The following CCDC192 variants were observed in gnomAD, a reference collection of about 807,000 sequenced individuals.
CCDC192 encodes coiled-coil domain containing 192.
At chr5:127,757,251 G>A (rs1311697968) in intron 3 of CCDC192, among the ~76,000 whole-genome samples, 1 of 152,194 alleles carries the variant, frequency 6.6e-6, no homozygotes. Flanking sequence ...CATGTTAATT[G>A]TACTAAAGGA....
At chr5:127,855,075 A>G (rs1164093256) in intron 5 of CCDC192, among the ~76,000 whole-genome samples, 1 of 152,182 alleles carries the variant, frequency 6.6e-6, no homozygotes, top group East Asian at 1.9e-4. Flanking sequence ...GCCTTGCCTC[A>G]GTGTTGATGG....
chr5:127,712,320 G>T (rs995151254), intron 2 of CCDC192, among the ~76,000 whole-genome samples: 1 of 152,138 alleles, frequency 6.6e-6, no homozygotes, highest in South Asian at 2.1e-4. Context: ...GAGTTCTAAT[G>T]GGAGGTGTTT....
At chr5:127,911,821 T>C (rs569394155) in intron 6 of CCDC192, among the ~76,000 whole-genome samples, 3 of 151,870 alleles carry the variant, frequency 2.0e-5, no homozygotes, top group African/African-American at 7.2e-5. Context: ...ATCCTCTCAC[T>C]TCTGTCTCCT....
intron 3 of CCDC192, among the ~76,000 whole-genome samples, chr5:127,791,560 A>G (rs537107203): frequency 6.4e-4 from 98 of 152,322 alleles, no homozygotes; most frequent in African/African-American, 2.3e-3. Flanking sequence ...TGATGAGGAA[A>G]GATACTGGAA....
At chr5:127,767,202 G>C (rs918772591) in intron 3 of CCDC192, among the ~76,000 whole-genome samples, 2 of 152,124 alleles carry the variant, frequency 1.3e-5, no homozygotes, top group Non-Finnish European at 2.9e-5. Flanking sequence ...TCCTAGGAAT[G>C]TGTCCCAGGC....
In CCDC192 at chr5:127,896,809, T is replaced by TA. The variant is rs536877450; in HGVS notation, c.535+21150dup. ...ATTAAAGAAAAACCCAAAGAACATATAATGACTGGTATAGCACAAAGGACC... is the reference window on the plus strand; with the variant it reads ...ATTAAAGAAAAACCCAAAGAACATATAAATGACTGGTATAGCACAAAGGACC... On this transcript the variant is annotated intron_variant, in intron 6 of 6. Coordinates refer to ENST00000514853, the MANE Select transcript of CCDC192 (RefSeq NM_001317938.2). Among the ~76,000 whole-genome samples, 174 of 152,266 alleles carry TA rather than the reference T, an allele frequency of 1.1e-3. 1 individual carries two copies. Among genetic ancestry groups the TA allele is most frequent in the Middle Eastern group, 6.8e-3 (2 of 294 alleles).
intron 2 of CCDC192, among the ~76,000 whole-genome samples, chr5:127,734,233 A>G (rs902454380): frequency 6.6e-6 from 1 of 151,684 alleles, no homozygotes; most frequent in African/African-American, 2.4e-5. Flanking sequence ...AATTTCATCC[A>G]TGTCCCTACA....
chr5:127,803,843 T>G (rs1320230577), intron 5 of CCDC192, among the ~76,000 whole-genome samples: 1 of 152,234 alleles, frequency 6.6e-6, no homozygotes, highest in African/African-American at 2.4e-5. Flanking sequence ...TTATTCTCTA[T>G]ACTGTCCTGT....
At chr5:127,760,338 A>T (rs1343959198) in intron 3 of CCDC192, among the ~76,000 whole-genome samples, 1 of 151,988 alleles carries the variant, frequency 6.6e-6, no homozygotes, top group Non-Finnish European at 1.5e-5. Context: ...TGGGAAACAA[A>T]AATAAGGCAG....
chr5:127,902,564 A>C (rs185202766), intron 6 of CCDC192, among the ~76,000 whole-genome samples: 1 of 152,286 alleles, frequency 6.6e-6, no homozygotes, highest in East Asian at 1.9e-4. Flanking sequence ...CATTCATGAG[A>C]CATATATCAT....
intron 5 of CCDC192, among the ~76,000 whole-genome samples, chr5:127,831,165 C>T (rs1370661459): frequency 1.3e-5 from 2 of 152,122 alleles, no homozygotes; most frequent in African/African-American, 2.4e-5. Context: ...AAATTTTTCT[C>T]CTTAAAAACT....
At chr5:127,790,630 CT>C (rs1402306458) in intron 3 of CCDC192, among the ~76,000 whole-genome samples, 3 of 152,302 alleles carry the variant, frequency 2.0e-5, no homozygotes, top group South Asian at 4.1e-4. Context: ...TTCCCAGCCT[CT>C]GGTAACTACC....
chr5:127,705,025 C>A (rs1355135748), intron 1 of CCDC192, among the ~76,000 whole-genome samples: 1 of 151,646 alleles, frequency 6.6e-6, no homozygotes, highest in Non-Finnish European at 1.5e-5. Context: ...AGAAAAATGC[C>A]GTATCATTAC....
At chr5:127,891,813 T>G (rs1752740876) in intron 6 of CCDC192, among the ~76,000 whole-genome samples, 1 of 152,246 alleles carries the variant, frequency 6.6e-6, no homozygotes, top group Admixed American at 6.5e-5. Context: ...ACATTCTGGT[T>G]CTTTCTACTC....
intron 3 of CCDC192, among the ~76,000 whole-genome samples, chr5:127,782,290 G>A (rs917152766): frequency 1.3e-5 from 2 of 152,036 alleles, no homozygotes; most frequent in Admixed American, 1.3e-4. Context: ...TTTTGGATAT[G>A]TCCTTTCCTG....
chr5:127,707,506 A>G (rs1384394059), intron 1 of CCDC192, among the ~76,000 whole-genome samples: 1 of 151,780 alleles, frequency 6.6e-6, no homozygotes, highest in Non-Finnish European at 1.5e-5. Context: ...AGGCTATTTT[A>G]TCTTCTGCGA....
intron 5 of CCDC192, among the ~76,000 whole-genome samples, chr5:127,839,001 T>C (rs1176220665): frequency 1.3e-5 from 2 of 152,200 alleles, no homozygotes; most frequent in Admixed American, 1.3e-4. Flanking sequence ...GCTGTTATTC[T>C]CTTTAGGTAA....
chr5:127,866,083 A>G, intron 5 of CCDC192, among the ~76,000 whole-genome samples: 1 of 152,108 alleles, frequency 6.6e-6, no homozygotes, highest in Non-Finnish European at 1.5e-5. Flanking sequence ...GCGGTTCTAG[A>G]TAAAAGTAGT....
chr5:127,717,928 C>CAA, intron 2 of CCDC192, among the ~76,000 whole-genome samples: 1,870 of 98,014 alleles, frequency 0.019, 35 homozygotes, highest in African/African-American at 0.038. Flanking sequence ...TAAAGCTAGA[C>CAA]AAAAAAAAAA....
Sources: allele counts gnomAD v4.1 joint callset (sites outside exome capture counted in the v4.1 genomes callset), GRCh38; gene constraint gnomAD v4.1.1; transcripts MANE v1.5; gene names NCBI Gene and HGNC (gene_info 2026-07-23, HGNC 2026-07-21).